Variants in TENM3 observed in about 807,000 individuals in gnomAD.
The protein encoded by TENM3 is teneurin-3.
In TENM3, 63 loss-of-function variants were observed where a neutral mutation model predicts 255.1. The observed-to-expected ratio is 0.25, with a 90% CI of 0.20 to 0.30. The LOEUF (loss-of-function observed/expected upper bound fraction) is 0.30. Ranked by LOEUF, TENM3 falls within the 10% of genes least tolerant of loss-of-function variation. The pLI is 1.00. For synonymous variants in TENM3, 1,306 were observed against 1,322.3 expected, an observed-to-expected ratio of 0.99 and a Z score of 0.27; for missense variants, 2,929 against 3,461.1, an observed-to-expected ratio of 0.85 and a Z score of 3.86.
At chr4:182,755,661 AC>A (rs1305273932) in intron 22 of TENM3, among the ~76,000 whole-genome samples, 21 of 151,804 alleles carry the variant, frequency 1.4e-4, no homozygotes, top group East Asian at 7.8e-4. Context: ...ACACGGTGAA[AC>A]CCCCGTCTCT....
At chr4:182,786,017 G>A (rs1343181709) in intron 24 of TENM3, among the ~76,000 whole-genome samples, 2 of 152,210 alleles carry the variant, frequency 1.3e-5, no homozygotes, top group South Asian at 2.1e-4. Flanking sequence ...GCCTTGGCTT[G>A]TGTTGGGAAT....
the TENM3 span, among the ~76,000 whole-genome samples, chr4:181,751,415 GAA>G: frequency 0.011 from 1,235 of 114,678 alleles, 6 homozygotes; most frequent in Admixed American, 0.016. Flanking sequence ...CCTTCCAAAG[GAA>G]AAAAAAAAAA....
chr4:181,952,384 A>C, the TENM3 span, among the ~76,000 whole-genome samples: 1 of 152,258 alleles, frequency 6.6e-6, no homozygotes. Context: ...AGACTGAGGA[A>C]GTCTTCTACC....
At chr4:182,051,021 A>G in the TENM3 span, among the ~76,000 whole-genome samples, 1 of 151,980 alleles carries the variant, frequency 6.6e-6, no homozygotes, top group African/African-American at 2.4e-5. Flanking sequence ...GCAGAAAAAT[A>G]TGTTTCAAGA....
intron 3 of TENM3, among the ~76,000 whole-genome samples, chr4:182,446,507 TA>T (rs1172459655): frequency 1.3e-5 from 2 of 152,236 alleles, no homozygotes; most frequent in African/African-American, 4.8e-5. Flanking sequence ...ATTCTTCCAT[TA>T]GTGTGCTTAT....
intron 5 of TENM3, among the ~76,000 whole-genome samples, chr4:182,648,435 C>T (rs1178671188): frequency 1.3e-5 from 2 of 151,950 alleles, no homozygotes; most frequent in Non-Finnish European, 2.9e-5. Context: ...AGGCGCCTGC[C>T]ACTACACTTG....
At chr4:181,685,641 C>T in the TENM3 span, among the ~76,000 whole-genome samples, 2 of 152,168 alleles carry the variant, frequency 1.3e-5, no homozygotes, top group Non-Finnish European at 2.9e-5. Context: ...CTGATTCACA[C>T]TGAATCATAC....
chr4:181,514,303 G>T, the TENM3 span, among the ~76,000 whole-genome samples: 2 of 151,854 alleles, frequency 1.3e-5, no homozygotes, highest in Non-Finnish European at 1.5e-5. Flanking sequence ...TTAAAGCTTT[G>T]GTTCACTGAC....
intron 1 of TENM3, among the ~76,000 whole-genome samples, chr4:182,229,036 T>G (rs1209005313): frequency 6.6e-6 from 1 of 152,234 alleles, no homozygotes; most frequent in Admixed American, 6.5e-5. Flanking sequence ...AAGTTTCTAA[T>G]ATTGTTAATG....
chr4:182,572,826 T>C (rs1744532030), intron 3 of TENM3, among the ~76,000 whole-genome samples: 1 of 152,170 alleles, frequency 6.6e-6, no homozygotes, highest in East Asian at 1.9e-4. Flanking sequence ...ATTTCAGTAA[T>C]TTTTAGGATC....
At chr4:181,635,184 GA>G in the TENM3 span, among the ~76,000 whole-genome samples, 1 of 152,140 alleles carries the variant, frequency 6.6e-6, no homozygotes, top group African/African-American at 2.4e-5. Flanking sequence ...TAGCAAACGA[GA>G]AAGTTGAAAA....
At chr4:182,209,258 G>A (rs1390503585) in intron 1 of TENM3, among the ~76,000 whole-genome samples, 4 of 148,928 alleles carry the variant, frequency 2.7e-5, no homozygotes, top group Admixed American at 1.3e-4. Flanking sequence ...GTGAGCCACC[G>A]CATCCAGCCC....
At chr4:181,653,728 G>T in the TENM3 span, among the ~76,000 whole-genome samples, 8 of 149,660 alleles carry the variant, frequency 5.3e-5, no homozygotes, top group African/African-American at 2.0e-4. Context: ...TAAATTATGG[G>T]ATACAGGTGC....
At chr4:182,683,209 T>C (rs1166632807) in intron 11 of TENM3, among the ~76,000 whole-genome samples, 1 of 152,160 alleles carries the variant, frequency 6.6e-6, no homozygotes, top group East Asian at 1.9e-4. Flanking sequence ...TGTAAAATCA[T>C]GGGACACTCT....
At chr4:182,109,513 A>G in the TENM3 span, among the ~76,000 whole-genome samples, 1 of 152,184 alleles carries the variant, frequency 6.6e-6, no homozygotes, top group Non-Finnish European at 1.5e-5. Context: ...AATTAATTAA[A>G]ATGTTGGCAA....
chr4:181,847,574 T>C, the TENM3 span, among the ~76,000 whole-genome samples: 1 of 152,052 alleles, frequency 6.6e-6, no homozygotes, highest in Non-Finnish European at 1.5e-5. Context: ...GATCATAACA[T>C]ATTATATAAC....
At chr4:182,439,859 G>A (rs765479759) in intron 3 of TENM3, among the ~76,000 whole-genome samples, 2 of 152,010 alleles carry the variant, frequency 1.3e-5, no homozygotes, top group African/African-American at 2.4e-5. Flanking sequence ...GGGCTTCTTC[G>A]TCGTTTTACA....
chr4:182,727,515 G>A (rs900881872), intron 13 of TENM3, among the ~76,000 whole-genome samples: 1 of 151,364 alleles, frequency 6.6e-6, no homozygotes, highest in Non-Finnish European at 1.5e-5. Context: ...GACCTTAAAG[G>A]ATAATGTTAT....
chr4:182,672,934 G>A, intron 6 of TENM3, 71 bp from the exon 7 acceptor site: 1 of 1,192,952 alleles, frequency 8.4e-7, no homozygotes. Flanking sequence ...TTTTCAAAAA[G>A]TTTAAAAACC....
Sources: allele counts gnomAD v4.1 joint callset (sites outside exome capture counted in the v4.1 genomes callset), GRCh38; gene constraint gnomAD v4.1.1; transcripts MANE v1.5; gene names NCBI Gene and HGNC (gene_info 2026-07-23, HGNC 2026-07-21).